Variants in MTMR3 observed in about 807,000 individuals in gnomAD.
MTMR3 encodes phosphatidylinositol-3,5-bisphosphate 3-phosphatase MTMR3.
A neutral mutation model predicts 132.4 loss-of-function variants in MTMR3; 32 were observed. That is an observed-to-expected ratio of 0.24 (90% CI 0.18 to 0.32). The LOEUF (loss-of-function observed/expected upper bound fraction) is 0.32. Among genes scored for constraint, MTMR3 ranks in the 10% least tolerant of loss-of-function variants. The pLI, the probability that MTMR3 is intolerant of heterozygous loss-of-function variation, is 1.00. For missense variants in MTMR3, 1,216 were observed against 1,489.6 expected, an observed-to-expected ratio of 0.82 and a Z score of 3.02; for synonymous variants, 556 against 550.3, an observed-to-expected ratio of 1.01 and a Z score of -0.14.
chr22:29,988,770 A>G (rs1271058863), intron 6 of MTMR3: 1 of 320,238 alleles, frequency 3.1e-6, no homozygotes, highest in African/African-American at 2.2e-5. Flanking sequence ...ATTTGGAAAT[A>G]ATTTTAAATT....
chr22:29,953,214 A>G (rs2066118284), intron 1 of MTMR3, among the ~76,000 whole-genome samples: 1 of 152,198 alleles, frequency 6.6e-6, no homozygotes, highest in Non-Finnish European at 1.5e-5. Context: ...GTTCTTTTGA[A>G]GTTAAAGTGT....
At chr22:30,024,790 T>G (rs868274018) in intron 19 of MTMR3, 4 of 152,218 alleles carry the variant, frequency 2.6e-5, no homozygotes, top group African/African-American at 7.2e-5. Flanking sequence ...CTTTGCCAAT[T>G]CCCTTTCCTG....
intron 2 of MTMR3, among the ~76,000 whole-genome samples, chr22:29,969,232 T>C (rs555701975): frequency 6.6e-6 from 1 of 152,188 alleles, no homozygotes; most frequent in Non-Finnish European, 1.5e-5. Context: ...AAGAATAGAT[T>C]TTTCTTACAA....
Position 30,026,034 on chromosome 22 carries a change from C to T in MTMR3, c.*233C>T. The T allele has an allele frequency of 2.2e-6, 1 of 459,548 alleles. No individual in the cohort carries two copies. Among genetic ancestry groups the T allele is most frequent in the Non-Finnish European group, 3.8e-6 (1 of 261,582 alleles). 28.5% of individuals were successfully genotyped at this position (459,548 alleles called of 1,614,324 possible). A position where few individuals can be genotyped will look rare whatever the true frequency, so the allele number is the denominator to read the frequency against. ...TCTGCCTTCAAAAAAGGAAACTTTC[C>T]CTTGGTTGTCTTAATTTTTTTTTTT... On this transcript the variant is annotated 3_prime_UTR_variant, in exon 20 of 20. Transcript: ENST00000401950.
chr22:29,965,610 G>C (rs74611026), intron 2 of MTMR3, among the ~76,000 whole-genome samples: 11,797 of 152,212 alleles, frequency 0.078, 536 homozygotes, highest in African/African-American at 0.092. Context: ...ACTTGAATCC[G>C]GGAGGCAGAG....
At chr22:29,940,737 G>A (rs968264100) in intron 1 of MTMR3, among the ~76,000 whole-genome samples, 1 of 150,060 alleles carries the variant, frequency 6.7e-6, no homozygotes, top group Non-Finnish European at 1.5e-5. Context: ...TAATGCCATC[G>A]TAAAGCACAT....
At chr22:29,904,686 C>T (rs1207462224) in intron 1 of MTMR3, among the ~76,000 whole-genome samples, 2 of 152,130 alleles carry the variant, frequency 1.3e-5, no homozygotes, top group Admixed American at 1.3e-4. Context: ...TCCTCTTTCC[C>T]CTAAGGATCT....
chr22:29,914,855 A>G (rs2065279658), intron 1 of MTMR3, among the ~76,000 whole-genome samples: 2 of 152,204 alleles, frequency 1.3e-5, no homozygotes, highest in African/African-American at 2.4e-5. Flanking sequence ...ACAAAATGAC[A>G]TATTGTGTAC....
chr22:29,889,640 A>G (rs2064753731), intron 1 of MTMR3, among the ~76,000 whole-genome samples: 1 of 151,950 alleles, frequency 6.6e-6, no homozygotes, highest in Non-Finnish European at 1.5e-5. Flanking sequence ...CTGTAATCCC[A>G]TCTGGATGTA....
chr22:29,927,242 T>C (rs938272457), intron 1 of MTMR3, among the ~76,000 whole-genome samples: 2 of 152,246 alleles, frequency 1.3e-5, no homozygotes, highest in African/African-American at 4.8e-5. Context: ...TACCACATTT[T>C]CTTGATAATT....
intron 18 of MTMR3, chr22:30,022,346 A>G (rs749455963): frequency 9.9e-6 from 6 of 608,510 alleles, no homozygotes; most frequent in African/African-American, 5.5e-5. Flanking sequence ...CTCCCTCTTC[A>G]TTGCCTCTAT....
At chr22:29,938,883 G>A (rs533756529) in intron 1 of MTMR3, among the ~76,000 whole-genome samples, 113 of 151,570 alleles carry the variant, frequency 7.5e-4, no homozygotes, top group Non-Finnish European at 1.5e-3. Flanking sequence ...GTGCAGTGTC[G>A]TGATCTCAGC....
chr22:29,888,027 T>C (rs549636794), intron 1 of MTMR3, among the ~76,000 whole-genome samples: 1 of 152,050 alleles, frequency 6.6e-6, no homozygotes, highest in Non-Finnish European at 1.5e-5. Context: ...GTTTTGTTTT[T>C]TTTTTTGGAC....
intron 1 of MTMR3, among the ~76,000 whole-genome samples, chr22:29,941,212 T>A (rs746219760): frequency 6.6e-6 from 1 of 152,184 alleles, no homozygotes; most frequent in Non-Finnish European, 1.5e-5. Context: ...CTTTTGAGAC[T>A]TATCCAGGTT....
At chr22:29,964,019 C>T (rs1270244810) in intron 2 of MTMR3, among the ~76,000 whole-genome samples, 1 of 152,106 alleles carries the variant, frequency 6.6e-6, no homozygotes, top group East Asian at 1.9e-4. Flanking sequence ...AATGGTAACT[C>T]TGTGTTTAAT....
At chr22:29,915,602 T>C (rs1221773560) in intron 1 of MTMR3, among the ~76,000 whole-genome samples, 1 of 152,124 alleles carries the variant, frequency 6.6e-6, no homozygotes, top group African/African-American at 2.4e-5. Context: ...TTGTATATTT[T>C]ATGTTTTGTA....
intron 1 of MTMR3, among the ~76,000 whole-genome samples, chr22:29,906,286 G>GTCTATCTATCTATCTATCTATCTA (rs369642536): frequency 2.7e-5 from 2 of 74,456 alleles, no homozygotes; most frequent in Non-Finnish European, 6.1e-5. Context: ...CTGTCTGTCT[G>GTCTATCTATCTATCTATCTATCTA]TCTATCTATC....
Position 30,025,772 on chromosome 22 carries a change from G to C in MTMR3, c.3568G>C (p.Asp1190His). The C allele has an allele frequency of 6.2e-7, 1 of 1,614,094 alleles. No homozygotes were observed. Among genetic ancestry groups the C allele is most frequent in the Non-Finnish European group, 8.5e-7 (1 of 1,180,016 alleles). ...AAGCTCCAGCATTGACCTTGAACTG[G>C]ATAAGCCCATTGCTGCCACTTCCAA... ...PTSSSIDLEL[D>H]KPIAATSN The change falls in exon 20 of 20, where the codon GAT becomes CAT. Residue 1190 changes from aspartate to histidine, a missense_variant. Coordinates refer to ENST00000401950, the MANE Select transcript of MTMR3 (RefSeq NM_021090.4).
At chr22:29,965,511 C>A (rs1332720630) in intron 2 of MTMR3, among the ~76,000 whole-genome samples, 1 of 152,066 alleles carries the variant, frequency 6.6e-6, no homozygotes. Flanking sequence ...ATGGTGAAAC[C>A]CTGTCTCTAC....
Sources: allele counts gnomAD v4.1 joint callset (sites outside exome capture counted in the v4.1 genomes callset), GRCh38; gene constraint gnomAD v4.1.1; transcripts MANE v1.5; gene names NCBI Gene and HGNC (gene_info 2026-07-23, HGNC 2026-07-21).